Variants in UGT1A6 observed in about 807,000 individuals in gnomAD.
UGT1A6 encodes UDP glucuronosyltransferase family 1 member A6.
A neutral mutation model predicts 44.4 loss-of-function variants in UGT1A6; 32 were observed. The observed-to-expected ratio is 0.72, with a 90% CI of 0.54 to 0.97. The LOEUF (loss-of-function observed/expected upper bound fraction) is 0.97, where lower values mean the gene tolerates loss of function less well. Among genes scored for constraint, UGT1A6 ranks in the 50% least tolerant of loss-of-function variants. UGT1A6 has a pLI of 0.00. For missense variants in UGT1A6, 685 were observed against 661.9 expected (o/e 1.03, Z -0.38); for synonymous variants, 238 against 248.5 (o/e 0.96, Z 0.40).
chr2:233,749,412 T>C lies in UGT1A6; in HGVS notation c.862-17622T>C, dbSNP rs1409999979. 3.9e-5 allele frequency among the ~76,000 whole-genome samples: 6 copies of C among 151,952 alleles called. No individual in the cohort carries two copies. The East Asian group carries it at 1.2e-3, about 29-fold the overall frequency. On this transcript the variant is annotated intron_variant, in intron 1 of 4. Transcript: ENST00000305139. ...TGTGAACATATTCTCTAGTGTTAACTACATTGCTCAAAACTTCACTGTCAT... is the reference window on the plus strand; with the variant it reads ...TGTGAACATATTCTCTAGTGTTAACCACATTGCTCAAAACTTCACTGTCAT...
intron 1 of UGT1A6, chr2:233,719,772 T>G: frequency 6.2e-7 from 1 of 1,611,636 alleles, no homozygotes; most frequent in South Asian, 1.1e-5. Flanking sequence ...CTTCCATATC[T>G]ACTTATCTTT....
At chr2:233,712,932 A>G in intron 1 of UGT1A6, 1 of 1,612,230 alleles carries the variant, frequency 6.2e-7, no homozygotes, top group Non-Finnish European at 8.5e-7. Flanking sequence ...AAGACGAAGG[A>G]AACAATTCTA....
At chr2:233,724,928 A>C (rs2125707606) in intron 1 of UGT1A6, among the ~76,000 whole-genome samples, 1 of 142,602 alleles carries the variant, frequency 7.0e-6, no homozygotes, top group South Asian at 2.5e-4. Context: ...TGAGTGAACG[A>C]GACTCCGTCT....
chr2:233,724,974 A>T (rs1313555521), intron 1 of UGT1A6, among the ~76,000 whole-genome samples: 1 of 135,272 alleles, frequency 7.4e-6, no homozygotes, highest in East Asian at 2.1e-4. Flanking sequence ...AGGTTGGCGG[A>T]TCACTCGCGG....
At chr2:233,743,943 G>T in intron 1 of UGT1A6, 1 of 1,352,238 alleles carries the variant, frequency 7.4e-7, no homozygotes. Flanking sequence ...GGCCCACCAG[G>T]CACTGGCACA....
chr2:233,743,470 G>C (rs1240539380), intron 1 of UGT1A6: 5 of 1,366,644 alleles, frequency 3.7e-6, no homozygotes, highest in Middle Eastern at 4.2e-4. Flanking sequence ...ACCCCCAAAA[G>C]CTGGAAATTC....
At position 233,740,893 on chromosome 2, in the gene UGT1A6, T is replaced by C. The variant is rs1014621537; in HGVS notation, c.862-26141T>C. 52 of 150,244 alleles carry C rather than the reference T, an allele frequency of 3.5e-4. 1 individual carries two copies. Among genetic ancestry groups the C allele is most frequent in the African/African-American group, 1.2e-3 (48 of 39,828 alleles). 9.3% of individuals were successfully genotyped at this position (150,244 alleles called of 1,614,324 possible). A position where few individuals can be genotyped will look rare whatever the true frequency, so the allele number is the denominator to read the frequency against. The stretch of plus-strand genomic sequence containing the variant: ...ATAAAATGCTCTTGCAGGGACAACA[T>C]AGTAGGTCAACATTGTTCCCATCTC... On this transcript the variant is annotated intron_variant, in intron 1 of 4. Transcript: ENST00000305139.
intron 1 of UGT1A6, among the ~76,000 whole-genome samples, chr2:233,706,625 G>A (rs1232121262): frequency 6.6e-6 from 1 of 152,130 alleles, no homozygotes; most frequent in Non-Finnish European, 1.5e-5. Flanking sequence ...AGAGAAATGA[G>A]TGTTTCTACT....
At chr2:233,703,741 A>T (rs750390078) in intron 1 of UGT1A6, among the ~76,000 whole-genome samples, 22 of 152,044 alleles carry the variant, frequency 1.4e-4, no homozygotes, top group Non-Finnish European at 2.9e-4. Flanking sequence ...TTTTGTTTTT[A>T]AATCTCAAAT....
At chr2:233,767,689 G>A (rs541366705) in intron 2 of UGT1A6, among the ~76,000 whole-genome samples, 160 bp from the exon 3 acceptor site, 3 of 152,308 alleles carry the variant, frequency 2.0e-5, no homozygotes, top group Non-Finnish European at 4.4e-5. Context: ...ACAAGATGCC[G>A]GAAGTTGCCA....
intron 1 of UGT1A6, chr2:233,722,151 A>G (rs1415241636): frequency 2.5e-5 from 4 of 162,020 alleles, no homozygotes; most frequent in African/African-American, 9.6e-5. Flanking sequence ...CTGCAGGACA[A>G]GATGTGTCAC....
chr2:233,720,341 A>G (rs1485102276), intron 1 of UGT1A6, among the ~76,000 whole-genome samples: 7 of 152,088 alleles, frequency 4.6e-5, no homozygotes, highest in Non-Finnish European at 1.0e-4. Flanking sequence ...TTTGGAAGGT[A>G]TGGTGATGGT....
chr2:233,772,168 A>C, intron 4 of UGT1A6, 94 bp from the exon 5 acceptor site: 1 of 1,573,330 alleles, frequency 6.4e-7, no homozygotes, highest in Non-Finnish European at 8.6e-7. Flanking sequence ...AAGTTTGGAA[A>C]ATCTGGTAGT....
intron 1 of UGT1A6, among the ~76,000 whole-genome samples, chr2:233,749,857 C>T (rs2125901015): frequency 6.6e-6 from 1 of 152,096 alleles, no homozygotes; most frequent in Middle Eastern, 3.4e-3. Flanking sequence ...CTCTCTCTCA[C>T]TTTCTGCCAG....
chr2:233,729,290 G>A, intron 1 of UGT1A6: 1 of 1,614,236 alleles, frequency 6.2e-7, no homozygotes, highest in Admixed American at 1.7e-5. Context: ...CATGCCAGAG[G>A]CCACCAGGCA....
chr2:233,761,040 A>G (rs1426136333), intron 1 of UGT1A6: 5 of 1,614,140 alleles, frequency 3.1e-6, no homozygotes, highest in Non-Finnish European at 4.2e-6. Context: ...TGAGCTCTGC[A>G]TCTGTCTGGC....
At chr2:233,731,107 A>G (rs1222432137) in intron 1 of UGT1A6, among the ~76,000 whole-genome samples, 2 of 151,962 alleles carry the variant, frequency 1.3e-5, no homozygotes, top group Admixed American at 6.6e-5. Flanking sequence ...CTTTTTTATA[A>G]ATGTAGGTAT....
chr2:233,756,820 AG>A, intron 1 of UGT1A6, among the ~76,000 whole-genome samples: 1 of 152,190 alleles, frequency 6.6e-6, no homozygotes, highest in African/African-American at 2.4e-5. Context: ...CTCAATTCCA[AG>A]GGGAAAATGA....
chr2:233,718,986 C>T, intron 1 of UGT1A6: 1 of 1,614,204 alleles, frequency 6.2e-7, no homozygotes, highest in East Asian at 2.2e-5. Context: ...TGCCAGAGGC[C>T]ACCAGGCGGT....
Sources: allele counts gnomAD v4.1 joint callset (sites outside exome capture counted in the v4.1 genomes callset), GRCh38; gene constraint gnomAD v4.1.1; transcripts MANE v1.5; gene names NCBI Gene and HGNC (gene_info 2026-07-23, HGNC 2026-07-21).